The following RBFOX3 variants were observed in gnomAD, a reference collection of about 807,000 sequenced individuals.
RBFOX3 encodes the protein RNA binding protein fox-1 homolog 3.
RBFOX3 carries 17 observed loss-of-function variants against 48.7 expected under a neutral mutation model. The ratio of observed to expected loss-of-function variants is 0.35; its 90% CI spans 0.24 to 0.52. The LOEUF (loss-of-function observed/expected upper bound fraction) is 0.52. Ranked by LOEUF, RBFOX3 falls within the 20% of genes least tolerant of loss-of-function variation. The pLI, the probability that RBFOX3 is intolerant of heterozygous loss-of-function variation, is 0.94. For synonymous variants in RBFOX3, 212 were observed against 209.5 expected (o/e 1.01, Z -0.10); for missense variants, 382 against 497.5 (o/e 0.77, Z 2.21).
chr17:79,289,602 A>T (rs2072813636), intron 3 of RBFOX3, among the ~76,000 whole-genome samples: 1 of 152,070 alleles, frequency 6.6e-6, no homozygotes, highest in South Asian at 2.1e-4. Flanking sequence ...CACGATGTTA[A>T]CTCTCTGGTC....
intron 2 of RBFOX3, among the ~76,000 whole-genome samples, chr17:79,451,940 G>T (rs1326212401): frequency 6.6e-6 from 1 of 152,142 alleles, no homozygotes; most frequent in African/African-American, 2.4e-5. Flanking sequence ...CCCAGTACTG[G>T]CACCCTCATC....
chr17:79,144,416 C>G (rs2042595336), intron 4 of RBFOX3, among the ~76,000 whole-genome samples: 1 of 152,228 alleles, frequency 6.6e-6, no homozygotes, highest in Non-Finnish European at 1.5e-5. Context: ...TTCCCAAGGT[C>G]CCTCCCCAAG....
intron 2 of RBFOX3, among the ~76,000 whole-genome samples, chr17:79,406,332 G>A (rs947450060): frequency 2.6e-5 from 4 of 152,148 alleles, no homozygotes; most frequent in Admixed American, 2.6e-4. Context: ...ATTCTCACCC[G>A]TGGCTCCCGC....
chr17:79,295,041 C>T (rs951052227), intron 3 of RBFOX3, among the ~76,000 whole-genome samples: 2 of 152,074 alleles, frequency 1.3e-5, no homozygotes, highest in Admixed American at 6.5e-5. Context: ...GTTTCTGTGT[C>T]GCTTGAAGTC....
intron 3 of RBFOX3, among the ~76,000 whole-genome samples, chr17:79,273,134 A>G (rs73416154): frequency 0.034 from 5,205 of 151,984 alleles, 278 homozygotes; most frequent in African/African-American, 0.12. Context: ...GAATCTAGCC[A>G]CCTGGTGGAC....
chr17:79,439,788 A>C (rs1323881762), intron 2 of RBFOX3, among the ~76,000 whole-genome samples: 2 of 152,240 alleles, frequency 1.3e-5, no homozygotes, highest in Non-Finnish European at 2.9e-5. Context: ...ACACACATAC[A>C]TGCACACACA....
intron 2 of RBFOX3, among the ~76,000 whole-genome samples, chr17:79,342,010 C>T (rs977741751): frequency 1.3e-5 from 2 of 152,260 alleles, no homozygotes; most frequent in East Asian, 1.9e-4. Context: ...TGGCCCCCTC[C>T]CCGGCCCCCT....
intron 14 of RBFOX3, among the ~76,000 whole-genome samples, chr17:79,093,791 C>CCACACA (rs60453390): frequency 0.076 from 10,889 of 143,814 alleles, 465 homozygotes; most frequent in East Asian, 0.12. Context: ...CAACAGCTGG[C>CCACACA]CACACACACA....
chr17:79,550,480 C>A (rs879199252), intron 1 of RBFOX3, among the ~76,000 whole-genome samples: 9 of 152,086 alleles, frequency 5.9e-5, no homozygotes, highest in Admixed American at 1.3e-4. Flanking sequence ...GTACCCAAGC[C>A]TGGGATGGAG....
At chr17:79,097,224 C>A in intron 11 of RBFOX3, 68 bp downstream of exon 11, 4 of 1,318,788 alleles carry the variant, frequency 3.0e-6, no homozygotes, top group Non-Finnish European at 4.1e-6. Flanking sequence ...CTGCGCAGGG[C>A]CTCCCCATTT....
At chr17:79,523,952 C>A (rs2086468020) in intron 1 of RBFOX3, among the ~76,000 whole-genome samples, 1 of 152,168 alleles carries the variant, frequency 6.6e-6, no homozygotes, top group Admixed American at 6.5e-5. Flanking sequence ...CGGGGCCAGA[C>A]TTTCACAGCC....
intron 1 of RBFOX3, among the ~76,000 whole-genome samples, chr17:79,501,257 C>T (rs1261256140): frequency 3.9e-5 from 6 of 152,154 alleles, no homozygotes; most frequent in African/African-American, 7.2e-5. Flanking sequence ...TTGCAGGCTG[C>T]GGGGAAGACA....
intron 4 of RBFOX3, among the ~76,000 whole-genome samples, chr17:79,211,346 C>T (rs2058356128): frequency 6.6e-6 from 1 of 152,222 alleles, no homozygotes; most frequent in East Asian, 1.9e-4. Context: ...CCTGCCCGCT[C>T]AGCCTCCGGA....
intron 1 of RBFOX3, among the ~76,000 whole-genome samples, chr17:79,497,017 T>A (rs951188902): frequency 2.6e-5 from 4 of 152,084 alleles, no homozygotes; most frequent in Admixed American, 6.5e-5. Flanking sequence ...AGCCAGCCCA[T>A]CACCTCAAAG....
chr17:79,509,287 T>C (rs1489758615), intron 1 of RBFOX3, among the ~76,000 whole-genome samples: 2 of 151,882 alleles, frequency 1.3e-5, no homozygotes, highest in Admixed American at 6.6e-5. Flanking sequence ...TGGCTGTCTC[T>C]CTCTAGGACG....
rs574955899 is a variant in RBFOX3 at position 79,212,430 on chromosome 17, A to G, written c.-34+23336T>C. 2.6e-5 allele frequency among the ~76,000 whole-genome samples: 4 copies of G among 151,792 alleles called. No individual in the cohort carries two copies. Among genetic ancestry groups the G allele is most frequent in the African/African-American group, 7.2e-5 (3 of 41,386 alleles). ...GGGCTCCTGGCGCTGCCCGTTCCCA[A>G]TTTCTCCTTCCTGTAGGACTGCTGC... On this transcript the variant is annotated intron_variant, in intron 4 of 14. Transcript: ENST00000693108. This position sits in a 1 kb window ranked among gnomAD's most constrained non-coding sequence, Gnocchi z 4.7.
chr17:79,474,712 C>T (rs2077479623), intron 2 of RBFOX3, among the ~76,000 whole-genome samples: 2 of 152,140 alleles, frequency 1.3e-5, no homozygotes, highest in African/African-American at 4.8e-5. Flanking sequence ...ATGGGTCTCC[C>T]CCAGCCCTGG....
intron 4 of RBFOX3, among the ~76,000 whole-genome samples, chr17:79,168,327 T>C (rs950684064): frequency 1.3e-5 from 2 of 152,240 alleles, no homozygotes; most frequent in Admixed American, 6.5e-5. Context: ...AACTCATGAA[T>C]AGCACAATTG....
chr17:79,112,791 C>A (rs1020782059), intron 5 of RBFOX3, among the ~76,000 whole-genome samples: 3 of 151,828 alleles, frequency 2.0e-5, no homozygotes, highest in African/African-American at 7.3e-5. Context: ...AGAAGGAAGT[C>A]CCCTTGGGCG....
Sources: allele counts gnomAD v4.1 joint callset (sites outside exome capture counted in the v4.1 genomes callset), GRCh38; gene constraint gnomAD v4.1.1; non-coding constraint Gnocchi (gnomAD v3.1); transcripts MANE v1.5; gene names NCBI Gene and HGNC (gene_info 2026-07-23, HGNC 2026-07-21).